CREM: variants seen among roughly 807,000 people sequenced by gnomAD.
The protein encoded by CREM is cAMP-responsive element modulator.
Under a neutral mutation model 37.3 loss-of-function variants are expected in CREM, and 13 were observed. The observed-to-expected ratio is 0.35, with a 90% CI of 0.23 to 0.55. CREM has a LOEUF of 0.55. CREM is among the 20% of genes least tolerant of loss of function. The pLI is 0.88. For missense variants in CREM, 296 were observed against 362.3 expected, an observed-to-expected ratio of 0.82 and a Z score of 1.49; for synonymous variants, 124 against 120.2, an observed-to-expected ratio of 1.03 and a Z score of -0.21.
intron 6 of CREM, chr10:35,196,167 T>C (rs2095157203): frequency 1.9e-6 from 3 of 1,547,472 alleles, no homozygotes; most frequent in East Asian, 2.2e-5. Context: ...ATGTATTGTA[T>C]AAGCTGGCGG....
chr10:35,159,597 A>G (rs936006722), intron 3 of CREM, among the ~76,000 whole-genome samples: 2 of 152,220 alleles, frequency 1.3e-5, no homozygotes, highest in African/African-American at 4.8e-5. Flanking sequence ...GATTAAATAT[A>G]AGACCCAAAA....
chr10:35,150,211 TAG>T (rs2092493333), intron 3 of CREM, among the ~76,000 whole-genome samples: 1 of 152,018 alleles, frequency 6.6e-6, no homozygotes, highest in Admixed American at 6.6e-5. Context: ...TTTTTTTTGG[TAG>T]AGACAAGTTC....
intron 5 of CREM, among the ~76,000 whole-genome samples, chr10:35,185,015 G>A (rs1249071531): frequency 6.9e-6 from 1 of 144,550 alleles, no homozygotes; most frequent in Non-Finnish European, 1.5e-5. Context: ...AATATCATCT[G>A]TCATGAGGAA....
Position 35,132,441 on chromosome 10 carries a change from G to C in CREM, c.-55+5248G>C, listed in dbSNP as rs2089605777. 3.3e-5 allele frequency among the ~76,000 whole-genome samples: 5 copies of C among 152,154 alleles called. 1 individual carries two copies. In the South Asian group the frequency reaches 1.0e-3, roughly 32 times the overall value. ...CTAGTCCTTTAGTGATTTTAGTAAA[G>C]AGTTAAGATTACTTAAATAATAACA... is the stretch of plus-strand genomic sequence containing the variant. On this transcript the variant is annotated intron_variant, in intron 1 of 7. Transcript: ENST00000685392.
Position 35,148,349 on chromosome 10 carries a change from C to CTTT in CREM, c.45-16_45-14dup. The CTTT allele has an allele frequency of 6.2e-7, 1 of 1,600,100 alleles. No individual in the cohort carries two copies. Among genetic ancestry groups the CTTT allele is most frequent in the Non-Finnish European group, 8.5e-7 (1 of 1,174,316 alleles). On this transcript the variant is annotated intron_variant, in intron 2 of 7. Coordinates refer to ENST00000685392, the MANE Select transcript of CREM (RefSeq NM_183011.2). ...TAAGATAGGGCCTTAATTTGTCTTC[C>CTTT]TTTTTATTGTCTTTTCAGACAAATG...
intron 3 of CREM, among the ~76,000 whole-genome samples, chr10:35,157,356 TGTG>T (rs953518944): frequency 4.6e-5 from 7 of 151,886 alleles, no homozygotes; most frequent in African/African-American, 1.7e-4. Flanking sequence ...CCAGGCCAGG[TGTG>T]GTGGCTCACA....
At chr10:35,182,545 G>A (rs573550902) in intron 5 of CREM, among the ~76,000 whole-genome samples, 14 of 152,068 alleles carry the variant, frequency 9.2e-5, no homozygotes, top group Non-Finnish European at 2.1e-4. Context: ...GTTAGCTGGT[G>A]TTTAAAAGAA....
intron 2 of CREM, among the ~76,000 whole-genome samples, chr10:35,145,731 A>G (rs2092007023): frequency 7.6e-6 from 1 of 131,398 alleles, no homozygotes; most frequent in South Asian, 2.6e-4. Flanking sequence ...GTGAGCCGAG[A>G]TGCCTCTGCA....
intron 3 of CREM, among the ~76,000 whole-genome samples, chr10:35,156,428 T>G (rs1040493366): frequency 6.6e-6 from 1 of 152,094 alleles, no homozygotes; most frequent in Non-Finnish European, 1.5e-5. Flanking sequence ...TTGTAAGTTT[T>G]TTGTAGAGAT....
At chr10:35,147,596 G>A (rs2092271082) in intron 2 of CREM, among the ~76,000 whole-genome samples, 1 of 152,034 alleles carries the variant, frequency 6.6e-6, no homozygotes, top group Non-Finnish European at 1.5e-5. Context: ...ACACATTTTT[G>A]TATTATTATA....
intron 5 of CREM, chr10:35,179,709 C>G (rs1406592171): frequency 1.9e-5 from 3 of 155,678 alleles, no homozygotes; most frequent in African/African-American, 7.2e-5. Flanking sequence ...ACTCTCTACT[C>G]TGTTAATTTG....
At chr10:35,140,219 A>G (rs958619175) in intron 2 of CREM, among the ~76,000 whole-genome samples, 23 of 152,216 alleles carry the variant, frequency 1.5e-4, no homozygotes, top group African/African-American at 5.5e-4. Context: ...CTCTGGCAGA[A>G]TACAAATGGA....
At position 35,155,529 on chromosome 10, in the gene CREM, CA is replaced by C. The variant is rs888640282; in HGVS notation, c.168+7046del. On this transcript the variant is annotated intron_variant, in intron 3 of 7. Coordinates refer to ENST00000685392, the MANE Select transcript of CREM (RefSeq NM_183011.2). ...TACCACAATAAAAGATAATGAATAA[CA>C]AAAAAAATAGGCTAGACATTGAAAT... 2.6e-3 allele frequency among the ~76,000 whole-genome samples: 392 copies of C among 150,086 alleles called. 3 individuals carry two copies. The highest frequency in any genetic ancestry group is 9.2e-3 in the African/African-American group (374 of 40,816).
At chr10:35,164,307 G>A (rs182469881) in intron 3 of CREM, among the ~76,000 whole-genome samples, 12 of 152,292 alleles carry the variant, frequency 7.9e-5, no homozygotes, top group African/African-American at 2.6e-4. Context: ...TAAAATGGTA[G>A]TAATTAGGCT....
chr10:35,175,881 G>A, intron 3 of CREM: 1 of 1,563,032 alleles, frequency 6.4e-7, no homozygotes, highest in Non-Finnish European at 8.7e-7. Context: ...GGCACCAGAA[G>A]AGGCTCCCCA....
chr10:35,211,363 G>A lies in CREM; in HGVS notation c.865G>A (p.Ala289Thr), dbSNP rs750022195. ...QNKTLIEELK[A>T]LKDLYCHKVE ...CAAGACTCTCATTGAGGAACTCAAG[G>A]CCCTCAAAGATCTTTATTGCCATAA... is the stretch of plus-strand genomic sequence containing the variant. The change falls in exon 8 of 8, where the codon GCC becomes ACC. Residue 289 changes from alanine (A) to threonine (T), a missense_variant. Physicochemically the swap from Ala to Thr is moderately conservative, Grantham distance 58 (BLOSUM62 0). Coordinates refer to ENST00000685392, the MANE Select transcript of CREM (RefSeq NM_183011.2). 1 of 1,614,026 alleles carries A rather than the reference G, an allele frequency of 6.2e-7. No homozygotes were observed. The highest frequency in any genetic ancestry group is 8.5e-7 in the Non-Finnish European group (1 of 1,179,960).
intron 6 of CREM, among the ~76,000 whole-genome samples, chr10:35,199,308 G>A (rs990213696): frequency 1.3e-5 from 2 of 152,206 alleles, no homozygotes; most frequent in African/African-American, 2.4e-5. Context: ...AATTACTCAT[G>A]TTATTTTCCT....
chr10:35,151,621 G>A (rs2136081278), intron 3 of CREM, among the ~76,000 whole-genome samples: 1 of 152,332 alleles, frequency 6.6e-6, no homozygotes, highest in South Asian at 2.1e-4. Context: ...CAGTCCACCT[G>A]CTTTGATCTC....
intron 3 of CREM, chr10:35,167,917 C>A: frequency 2.3e-6 from 2 of 885,744 alleles, no homozygotes; most frequent in Non-Finnish European, 3.6e-6. Flanking sequence ...TTTGTTCTTG[C>A]GATAGTTTAC....
Sources: allele counts gnomAD v4.1 joint callset (sites outside exome capture counted in the v4.1 genomes callset), GRCh38; gene constraint gnomAD v4.1.1; transcripts MANE v1.5; gene names NCBI Gene and HGNC (gene_info 2026-07-23, HGNC 2026-07-21).